The following FAM234B variants were observed in gnomAD, a reference collection of about 807,000 sequenced individuals.
FAM234B encodes the protein protein FAM234B.
FAM234B carries 33 observed loss-of-function variants against 69.3 expected under a neutral mutation model. The observed-to-expected ratio is 0.48, with a 90% CI of 0.36 to 0.64. The LOEUF (loss-of-function observed/expected upper bound fraction) is 0.64. Among genes scored for constraint, FAM234B ranks in the 30% least tolerant of loss-of-function variants. The pLI, the probability that FAM234B is intolerant of heterozygous loss-of-function variation, is 0.00. For synonymous variants in FAM234B, 306 were observed against 306.9 expected (o/e 1.00, Z 0.03); for missense variants, 697 against 769.7 (o/e 0.91, Z 1.12).
chr12:13,058,418 CA>C, intron 2 of FAM234B, 32 bp from the exon 3 acceptor site: 1 of 1,580,360 alleles, frequency 6.3e-7, no homozygotes, highest in Non-Finnish European at 8.7e-7. Flanking sequence ...GTAACTTGCT[CA>C]GGACCTTTTT....
chr12:13,058,310 C>T lies in FAM234B; in HGVS notation c.434-141C>T, dbSNP rs556714647. ...GTCCAGGGCTTTTCCATGCACTTAG[C>T]AGGGGGAGTAGGGAGAGGTGTGTCT... On this transcript the variant is annotated intron_variant, in intron 2 of 12. Transcript: ENST00000197268. The T allele has an allele frequency of 2.2e-4, 154 of 704,548 alleles. No individual in the cohort carries two copies. The African/African-American group carries it at 2.3e-3, about 11-fold the overall frequency. 43.6% of individuals were successfully genotyped at this position (704,548 alleles called of 1,614,324 possible).
intron 10 of FAM234B, among the ~76,000 whole-genome samples, chr12:13,073,707 G>T (rs1006956136): frequency 2.0e-5 from 3 of 152,204 alleles, no homozygotes; most frequent in African/African-American, 7.2e-5. Flanking sequence ...CCCGTGGAAA[G>T]TTCGCTCAAC....
At chr12:13,077,112 C>T (rs1181844710) in intron 11 of FAM234B, among the ~76,000 whole-genome samples, 1 of 151,902 alleles carries the variant, frequency 6.6e-6, no homozygotes, top group Admixed American at 6.6e-5. Flanking sequence ...GGGGTGGGGG[C>T]AGGGAGGTAT....
intron 3 of FAM234B, among the ~76,000 whole-genome samples, chr12:13,059,501 C>T (rs1439398064): frequency 6.6e-6 from 1 of 152,218 alleles, no homozygotes; most frequent in Admixed American, 6.5e-5. Flanking sequence ...TGATTTCAGC[C>T]TAAGTACACA....
rs1445096269 is a variant in FAM234B at position 13,044,502 on chromosome 12, G to A, written c.37+62G>A. ...CCGGTGTTGGAATAAGGGGAGGCGA[G>A]GCTCTGGGGGCGAGGCCGGTCGGGC... On this transcript the variant is annotated intron_variant, in intron 1 of 12. Transcript: ENST00000197268. This position sits in a 1 kb window ranked among gnomAD's most constrained non-coding sequence, Gnocchi z 5.6. 1 of 1,527,968 alleles carries A rather than the reference G, an allele frequency of 6.5e-7. No homozygotes were observed. The highest frequency in any genetic ancestry group is 8.9e-7 in the Non-Finnish European group (1 of 1,127,624). The allele number at this position is 1,527,968 out of a possible 1,614,324, so 94.7% of individuals were successfully genotyped here.
intron 6 of FAM234B, 75 bp downstream of exon 6, chr12:13,066,862 G>A: frequency 6.7e-7 from 1 of 1,502,094 alleles, no homozygotes; most frequent in Non-Finnish European, 9.1e-7. Flanking sequence ...GAGACAGGGT[G>A]AAAGCTCAGG....
chr12:13,081,728 A>G lies in FAM234B; in HGVS notation c.*1098A>G, dbSNP rs1865229961. Reference sequence around the variant, plus strand: ...GGGAAAATTCTTCTGTAAATACTATAACTTTTATAAATGGTTAAGTTATTT... The same window carrying G: ...GGGAAAATTCTTCTGTAAATACTATGACTTTTATAAATGGTTAAGTTATTT... On this transcript the variant is annotated 3_prime_UTR_variant, in exon 13 of 13. Coordinates refer to ENST00000197268, the MANE Select transcript of FAM234B (RefSeq NM_020853.2). 6.6e-6 allele frequency: 1 copy of G among 152,178 alleles called. No homozygotes were observed. Among genetic ancestry groups the G allele is most frequent in the East Asian group, 1.9e-4 (1 of 5,198 alleles). 9.4% of individuals were successfully genotyped at this position (152,178 alleles called of 1,614,324 possible). A position where few individuals can be genotyped will look rare whatever the true frequency, so the allele number is the denominator to read the frequency against.
chr12:13,053,564 A>T (rs964485486), intron 1 of FAM234B, among the ~76,000 whole-genome samples: 2 of 152,158 alleles, frequency 1.3e-5, no homozygotes, highest in Admixed American at 1.3e-4. Flanking sequence ...GGGATTTTAA[A>T]AGGGGAGGGG....
chr12:13,071,436 AT>A (rs1183024440), intron 10 of FAM234B, 40 bp downstream of exon 10: 2 of 1,582,468 alleles, frequency 1.3e-6, no homozygotes, highest in Non-Finnish European at 1.7e-6. Context: ...ACTTTGTCAG[AT>A]GGCAGCTGCT....
chr12:13,068,322 C>T lies in FAM234B; in HGVS notation c.1161C>T (p.Leu387=). 1 of 1,614,144 alleles carries T rather than the reference C, an allele frequency of 6.2e-7. No individual in the cohort carries two copies. Among genetic ancestry groups the T allele is most frequent in the South Asian group, 1.1e-5 (1 of 91,078 alleles). Residue 387 remains leucine (L), a synonymous_variant, in exon 8 of 13, where the codon CTC becomes CTT. Coordinates refer to ENST00000197268, the MANE Select transcript of FAM234B (RefSeq NM_020853.2). ...AACCCAGTGATGGTGTTGAACTACT[C>T]CAGATGGTGAAGGCACCAGATTCCA... is the stretch of plus-strand genomic sequence containing the variant. ...IDVYSDGVEL[L]QMVKAPDSNC...
At chr12:13,064,210 C>T (rs753378019) in intron 5 of FAM234B, among the ~76,000 whole-genome samples, 1 of 152,158 alleles carries the variant, frequency 6.6e-6, no homozygotes, top group South Asian at 2.1e-4. Context: ...ACTTTATGTT[C>T]GTTTTCTTCA....
chr12:13,076,749 A>G (rs1865166847), intron 11 of FAM234B, among the ~76,000 whole-genome samples: 1 of 152,244 alleles, frequency 6.6e-6, no homozygotes, highest in East Asian at 1.9e-4. Context: ...AACACTGTAA[A>G]TAAAATGGGA....
At chr12:13,056,811 A>G (rs1864934847) in intron 2 of FAM234B, among the ~76,000 whole-genome samples, 1 of 152,152 alleles carries the variant, frequency 6.6e-6, no homozygotes. Flanking sequence ...TCCTGACCAC[A>G]TCCTCCTCTG....
chr12:13,049,770 T>C (rs1230984785), intron 1 of FAM234B, among the ~76,000 whole-genome samples: 2 of 152,266 alleles, frequency 1.3e-5, no homozygotes, highest in African/African-American at 4.8e-5. Flanking sequence ...TTCTTCCATC[T>C]TGTGGTGTGA....
intron 2 of FAM234B, among the ~76,000 whole-genome samples, chr12:13,056,632 T>G (rs1057255722): frequency 1.3e-5 from 2 of 152,240 alleles, no homozygotes; most frequent in Non-Finnish European, 2.9e-5. Context: ...CTGATCCCAG[T>G]TGAATTAGCT....
intron 2 of FAM234B, among the ~76,000 whole-genome samples, chr12:13,056,482 G>C (rs1053291307): frequency 6.6e-6 from 1 of 152,112 alleles, no homozygotes; most frequent in East Asian, 1.9e-4. Context: ...TTTGGAGTAG[G>C]CTTCTTTAAA....
At chr12:13,068,601 T>A in intron 8 of FAM234B, 29 bp from the exon 9 acceptor site, 1 of 1,599,276 alleles carries the variant, frequency 6.3e-7, no homozygotes, top group Non-Finnish European at 8.6e-7. Flanking sequence ...TTGTTCACTA[T>A]TGATTGCTTA....
chr12:13,048,801 G>T (rs1277091623), intron 1 of FAM234B, among the ~76,000 whole-genome samples: 1 of 152,198 alleles, frequency 6.6e-6, no homozygotes, highest in African/African-American at 2.4e-5. Context: ...AGGTTTAATG[G>T]TCTTACAGTT....
chr12:13,054,080 G>A (rs1046674807), intron 1 of FAM234B, among the ~76,000 whole-genome samples: 5 of 152,110 alleles, frequency 3.3e-5, no homozygotes, highest in African/African-American at 1.2e-4. Context: ...CTTTTTCAAG[G>A]TGCACTGATT....
Sources: gnomAD v4.1 joint callset for allele counts (sites outside exome capture counted in the v4.1 genomes callset) on GRCh38, gnomAD v4.1.1 for gene constraint, Gnocchi (gnomAD v3.1) non-coding constraint, MANE v1.5 for transcripts, NCBI Gene and HGNC (gene_info 2026-07-23, HGNC 2026-07-21) for gene names.